The following HIVEP3 variants were observed in gnomAD, a reference collection of about 807,000 sequenced individuals.
The protein encoded by HIVEP3 is HIVEP zinc finger 3.
HIVEP3 carries 49 observed loss-of-function variants against 152.8 expected under a neutral mutation model. The ratio of observed to expected loss-of-function variants is 0.32; its 90% CI spans 0.26 to 0.41. The LOEUF (loss-of-function observed/expected upper bound fraction) is 0.41, where lower values mean the gene tolerates loss of function less well. HIVEP3 is among the 10% of genes least tolerant of loss of function. The pLI is 1.00. For synonymous variants in HIVEP3, 1,269 were observed against 1,289.0 expected (o/e 0.98, Z 0.33); for missense variants, 2,790 against 3,103.3 (o/e 0.90, Z 2.40).
At chr1:41,754,564 C>T (rs191175042) in intron 1 of HIVEP3, among the ~76,000 whole-genome samples, 1 of 152,264 alleles carries the variant, frequency 6.6e-6, no homozygotes, top group African/African-American at 2.4e-5. Flanking sequence ...ACTTAGTCTC[C>T]AGAAGCTGAG....
At chr1:41,552,487 A>G (rs368009019) in intron 5 of HIVEP3, among the ~76,000 whole-genome samples, 15 of 147,468 alleles carry the variant, frequency 1.0e-4, no homozygotes, top group East Asian at 8.0e-4. Context: ...TTGTTCTTGC[A>G]ATAGTTTACT....
intron 2 of HIVEP3, among the ~76,000 whole-genome samples, chr1:41,643,057 C>A (rs1488786681): frequency 6.6e-6 from 1 of 152,210 alleles, no homozygotes; most frequent in Non-Finnish European, 1.5e-5. Context: ...CTCCACCCTA[C>A]CGCCACCGTC....
intron 5 of HIVEP3, among the ~76,000 whole-genome samples, chr1:41,567,591 G>C (rs1377543349): frequency 1.3e-5 from 2 of 152,192 alleles, no homozygotes; most frequent in African/African-American, 4.8e-5. Flanking sequence ...GGCCCTGATA[G>C]CCTAGACCCA....
intron 2 of HIVEP3, among the ~76,000 whole-genome samples, chr1:41,699,397 A>G (rs1423515507): frequency 6.6e-6 from 1 of 152,216 alleles, no homozygotes; most frequent in African/African-American, 2.4e-5. Flanking sequence ...AGTTCTACCA[A>G]CGGAGGAAAC....
intron 1 of HIVEP3, among the ~76,000 whole-genome samples, chr1:41,986,082 T>A (rs1304439493): frequency 6.6e-6 from 1 of 152,224 alleles, no homozygotes; most frequent in African/African-American, 2.4e-5. Context: ...TTACATGATG[T>A]GGCTCAAGTC....
At chr1:41,881,576 T>G (rs1032075921) in intron 1 of HIVEP3, among the ~76,000 whole-genome samples, 2 of 152,266 alleles carry the variant, frequency 1.3e-5, no homozygotes, top group African/African-American at 4.8e-5. Flanking sequence ...TGGTCCCCAG[T>G]CCTGCCTTAG....
chr1:41,950,976 G>A (rs980217053), intron 1 of HIVEP3, among the ~76,000 whole-genome samples: 1 of 152,190 alleles, frequency 6.6e-6, no homozygotes, highest in Non-Finnish European at 1.5e-5. Context: ...GAGCTAGTCA[G>A]TCACCATTCT....
chr1:41,598,052 T>C (rs570962767), intron 3 of HIVEP3, among the ~76,000 whole-genome samples: 6 of 152,360 alleles, frequency 3.9e-5, no homozygotes, highest in Non-Finnish European at 8.8e-5. Context: ...AGTGGGCATC[T>C]ATGAACTTAA....
intron 3 of HIVEP3, among the ~76,000 whole-genome samples, chr1:41,616,322 T>A (rs1644967338): frequency 6.6e-6 from 1 of 152,186 alleles, no homozygotes; most frequent in Non-Finnish European, 1.5e-5. Context: ...CCAGCCAACA[T>A]CTTTGTTCCC....
intron 1 of HIVEP3, among the ~76,000 whole-genome samples, chr1:41,973,046 GCA>G (rs61424124): frequency 0.019 from 2,745 of 146,364 alleles, 31 homozygotes; most frequent in Admixed American, 0.027. Flanking sequence ...ACATGTGCGT[GCA>G]CACACACACA....
chr1:41,965,759 G>T (rs1645194097), intron 1 of HIVEP3, among the ~76,000 whole-genome samples: 1 of 152,178 alleles, frequency 6.6e-6, no homozygotes, highest in South Asian at 2.1e-4. Flanking sequence ...ACTGATTGGG[G>T]TACCTGAAAG....
chr1:42,005,892 TA>T (rs1416866648), intron 1 of HIVEP3, among the ~76,000 whole-genome samples: 2 of 152,258 alleles, frequency 1.3e-5, no homozygotes, highest in Non-Finnish European at 2.9e-5. Context: ...CAAAAGCTGA[TA>T]ATCTCTTCTT....
intron 1 of HIVEP3, among the ~76,000 whole-genome samples, chr1:41,934,877 G>T (rs915339265): frequency 2.6e-5 from 4 of 152,138 alleles, no homozygotes; most frequent in African/African-American, 9.7e-5. Context: ...AGAATATGAT[G>T]CCACATAGTA....
In HIVEP3 at chr1:41,580,090, A is replaced by G; in HGVS notation, c.4708T>C (p.Ser1570Pro). ...GAGGACGTTTCTGACAGAGGCAGAG[A>G]GCTCGGAGGTGCCAAGGAGGGGAGA... is the stretch of plus-strand genomic sequence containing the variant. ...PDLPSLAPPSSLPLSETSSRP... is the reference protein window; with the variant it reads ...PDLPSLAPPSPLPLSETSSRP... The change falls in exon 4 of 9, where the codon TCT becomes CCT. Residue 1570 changes from serine (S) to proline (P), a missense_variant. Coordinates refer to ENST00000372583, the MANE Select transcript of HIVEP3 (RefSeq NM_024503.5). 1.9e-6 allele frequency: 3 copies of G among 1,614,194 alleles called. No individual in the cohort carries two copies. Among genetic ancestry groups the G allele is most frequent in the Middle Eastern group, 1.6e-4 (1 of 6,062 alleles).
chr1:41,541,160 C>T (rs1025179940), intron 5 of HIVEP3, among the ~76,000 whole-genome samples: 7 of 152,160 alleles, frequency 4.6e-5, no homozygotes, highest in East Asian at 1.9e-4. Flanking sequence ...AGCAAGCACC[C>T]GCCCATGGAG....
intron 5 of HIVEP3, among the ~76,000 whole-genome samples, chr1:41,557,263 C>T (rs1451946590): frequency 6.6e-6 from 1 of 152,152 alleles, no homozygotes; most frequent in Non-Finnish European, 1.5e-5. Flanking sequence ...CGCTCTGGTC[C>T]CTGCCTTTAA....
At chr1:41,607,231 T>C (rs1644834010) in intron 3 of HIVEP3, among the ~76,000 whole-genome samples, 1 of 152,218 alleles carries the variant, frequency 6.6e-6, no homozygotes, top group Admixed American at 6.5e-5. Context: ...AGTTGATGGA[T>C]ACTGAACCTC....
At chr1:41,922,622 A>C (rs1644947191), upstream of HIVEP3, among the ~76,000 whole-genome samples, 1 of 152,326 alleles carries the variant, frequency 6.6e-6, no homozygotes, top group African/African-American at 2.4e-5. Flanking sequence ...TATAGTTGTA[A>C]AATTTAATTG....
chr1:41,743,802 T>C (rs1005104482), intron 1 of HIVEP3, among the ~76,000 whole-genome samples: 6 of 152,164 alleles, frequency 3.9e-5, no homozygotes, highest in Non-Finnish European at 7.4e-5. Context: ...AGTGGTTGCA[T>C]TGAATGCCGG....
Sources: allele counts gnomAD v4.1 joint callset (sites outside exome capture counted in the v4.1 genomes callset), GRCh38; gene constraint gnomAD v4.1.1; transcripts MANE v1.5; gene names NCBI Gene and HGNC (gene_info 2026-07-23, HGNC 2026-07-21).